The following ARHGAP35 variants were observed in gnomAD, a reference collection of about 807,000 sequenced individuals.
The protein encoded by ARHGAP35 is rho GTPase-activating protein 35.
Under a neutral mutation model 111.1 loss-of-function variants are expected in ARHGAP35, and 15 were observed. That is an observed-to-expected ratio of 0.13 (90% CI 0.09 to 0.21). The LOEUF (loss-of-function observed/expected upper bound fraction) is 0.21. Ranked by LOEUF, ARHGAP35 falls within the 10% of genes least tolerant of loss-of-function variation. The probability of loss-of-function intolerance (pLI) is 1.00; values close to 1 mark genes in which losing one functional copy is unlikely to be tolerated. For missense variants in ARHGAP35, 1,262 were observed against 1,873.0 expected (o/e 0.67, Z 6.02); for synonymous variants, 643 against 710.3 (o/e 0.91, Z 1.51).
In ARHGAP35 at chr19:46,888,292, ATATATATATATATATATATATATAT is replaced by A. The variant is rs1568461099; in HGVS notation, c.-189+27084_-189+27108del. ...TATATATATATATATATATATATATATATATATATATATATATATATATATAAAATATTGATTTTATACACACACA... is the reference window on the plus strand; with the variant it reads ...TATATATATATATATATATATATATAAAAATATTGATTTTATACACACACA... On this transcript the variant is annotated intron_variant, in intron 1 of 6. Coordinates refer to ENST00000672722, the MANE Select transcript of ARHGAP35 (RefSeq NM_004491.5). 1.7e-4 allele frequency among the ~76,000 whole-genome samples: 11 copies of A among 65,982 alleles called. 1 individual carries two copies. Among genetic ancestry groups the A allele is most frequent in the South Asian group, 8.8e-4 (2 of 2,282 alleles). The allele number at this position is 65,982 out of a possible 152,430, so 43.3% of individuals were successfully genotyped here.
intron 1 of ARHGAP35, among the ~76,000 whole-genome samples, chr19:46,889,535 G>C (rs1281036124): frequency 6.6e-6 from 1 of 152,000 alleles, no homozygotes. Context: ...AATGTGCACC[G>C]CCTTAGGTGG....
chr19:46,951,376 C>A (rs1005118770), intron 3 of ARHGAP35, among the ~76,000 whole-genome samples: 1 of 152,158 alleles, frequency 6.6e-6, no homozygotes, highest in African/African-American at 2.4e-5. Context: ...CCCAGAGAAA[C>A]CAACTGAGTA....
intron 3 of ARHGAP35, among the ~76,000 whole-genome samples, chr19:46,971,000 G>A (rs894213454): frequency 6.6e-6 from 1 of 152,142 alleles, no homozygotes; most frequent in Non-Finnish European, 1.5e-5. Context: ...TCATTGTCAC[G>A]TATACTCACA....
rs925076045 is a variant in ARHGAP35, at chr19:46,996,047, G to A, written c.4037-3257G>A. Among the ~76,000 whole-genome samples the A allele has an allele frequency of 5.3e-5, 8 of 152,226 alleles. No homozygotes were observed. The South Asian group carries it at 8.3e-4, about 16-fold the overall frequency. Reference sequence around the variant, plus strand: ...ACTGGCCACCCGCTCCTCACTAGGCGTTCGGCTGAGGTGCATATGCAGAAG... The same window carrying A: ...ACTGGCCACCCGCTCCTCACTAGGCATTCGGCTGAGGTGCATATGCAGAAG... On this transcript the variant is annotated intron_variant, in intron 5 of 6. Transcript: ENST00000672722.
chr19:46,890,153 T>A (rs779533702), intron 1 of ARHGAP35, among the ~76,000 whole-genome samples: 12 of 152,200 alleles, frequency 7.9e-5, no homozygotes, highest in Non-Finnish European at 1.5e-4. Context: ...CCGTTTTACT[T>A]TACTGTTCTA....
intron 3 of ARHGAP35, among the ~76,000 whole-genome samples, chr19:46,954,162 G>C (rs1434381353): frequency 1.3e-5 from 2 of 152,162 alleles, no homozygotes; most frequent in African/African-American, 4.8e-5. Context: ...CCTCGATCTT[G>C]GACTTCCCAG....
rs773387325 is a variant in ARHGAP35, at chr19:46,921,918, G to A, written c.3243G>A (p.Gly1081=). 6 of 1,613,888 alleles carry A rather than the reference G, an allele frequency of 3.7e-6. No individual in the cohort carries two copies. The South Asian group carries it at 6.6e-5, about 18-fold the overall frequency. The change falls in exon 2 of 7, where the codon GGG becomes GGA. Residue 1081 remains glycine, a synonymous_variant. Coordinates refer to ENST00000672722, the MANE Select transcript of ARHGAP35 (RefSeq NM_004491.5). The surrounding 1 kb of genome is among the most constrained non-coding windows in gnomAD (Gnocchi z 4.3). ...VSSSPWLPQD[G]FDPSDYAEPM... is the part of the protein sequence containing the mutation. ...CTAGCCCCTGGCTGCCTCAGGATGG[G>A]TTTGATCCTTCTGACTATGCTGAAC...
intron 3 of ARHGAP35, among the ~76,000 whole-genome samples, chr19:46,972,102 C>T (rs1418607123): frequency 2.6e-5 from 4 of 152,204 alleles, no homozygotes; most frequent in Non-Finnish European, 4.4e-5. Flanking sequence ...CTCCGCCTCC[C>T]GGGTTCAAGC....
At chr19:46,982,151 C>CA (rs1429750512) in intron 3 of ARHGAP35, among the ~76,000 whole-genome samples, 5 of 151,500 alleles carry the variant, frequency 3.3e-5, no homozygotes, top group African/African-American at 1.2e-4. Flanking sequence ...CCTGCCCTGC[C>CA]AAAGTATTTT....
At chr19:46,862,141 TC>T (rs2055832289) in intron 1 of ARHGAP35, among the ~76,000 whole-genome samples, 1 of 152,100 alleles carries the variant, frequency 6.6e-6, no homozygotes, top group Admixed American at 6.5e-5. Context: ...TTGCCCGACC[TC>T]AGATCTTGCT....
At chr19:46,998,517 G>A (rs2056728169) in intron 5 of ARHGAP35, among the ~76,000 whole-genome samples, 1 of 152,208 alleles carries the variant, frequency 6.6e-6, no homozygotes, top group South Asian at 2.1e-4. Context: ...GGGATGGCAA[G>A]CCCAGTGGCC....
At chr19:46,951,531 C>G (rs1026785221) in intron 3 of ARHGAP35, among the ~76,000 whole-genome samples, 1 of 152,102 alleles carries the variant, frequency 6.6e-6, no homozygotes, top group African/African-American at 2.4e-5. Context: ...AGCTCTGCTG[C>G]TTACAAGCAA....
intron 3 of ARHGAP35, among the ~76,000 whole-genome samples, chr19:46,978,950 TGTG>T (rs2056603284): frequency 1.8e-5 from 2 of 113,530 alleles, no homozygotes; most frequent in South Asian, 6.3e-4. Context: ...GCTGTGTGTG[TGTG>T]GTGGGGTTTG....
chr19:46,889,939 G>GCTATAGACCCTTA (rs1294567185), intron 1 of ARHGAP35, among the ~76,000 whole-genome samples: 1 of 152,146 alleles, frequency 6.6e-6, no homozygotes, highest in Non-Finnish European at 1.5e-5. Context: ...ATAGGAACTT[G>GCTATAGACCCTTA]AGGTTCTGTA....
At chr19:46,954,041 A>G (rs947971511) in intron 3 of ARHGAP35, among the ~76,000 whole-genome samples, 1 of 152,194 alleles carries the variant, frequency 6.6e-6, no homozygotes, top group Non-Finnish European at 1.5e-5. Context: ...CCTTAGAAGA[A>G]GAGACAGGAG....
Position 46,919,269 on chromosome 19 carries a change from CCTGA to C in ARHGAP35, c.597_600del (p.Thr200SerfsTer18). 1 of 1,613,866 alleles carries C rather than the reference CCTGA, an allele frequency of 6.2e-7. No individual in the cohort carries two copies. The highest frequency in any genetic ancestry group is 2.2e-5 in the East Asian group (1 of 44,886). On this transcript the variant is annotated frameshift_variant, in exon 2 of 7. Transcript: ENST00000672722. LOFTEE classifies it high-confidence loss of function. The surrounding 1 kb of genome is among the most constrained non-coding windows in gnomAD (Gnocchi z 6.2). Reference sequence around the variant, plus strand: ...AAACAAAAAAGCCCATAGTGGTGGTCCTGACTAAGTGTGACGAAGGTGTTGAGCG... The same window carrying C: ...AAACAAAAAAGCCCATAGTGGTGGTCCTAAGTGTGACGAAGGTGTTGAGCG...
intron 3 of ARHGAP35, among the ~76,000 whole-genome samples, chr19:46,955,176 G>T (rs990570145): frequency 6.6e-6 from 1 of 152,204 alleles, no homozygotes; most frequent in African/African-American, 2.4e-5. Context: ...AGAACTCAAT[G>T]TAACAGTCCT....
At position 46,960,894 on chromosome 19, in the gene ARHGAP35, T is replaced by C. The variant is rs574332268; in HGVS notation, c.3826+23486T>C. On this transcript the variant is annotated intron_variant, in intron 3 of 6. Coordinates refer to ENST00000672722, the MANE Select transcript of ARHGAP35 (RefSeq NM_004491.5). The stretch of plus-strand genomic sequence containing the variant: ...CTTGACTGGAGAGTATTTCTTTGGC[T>C]TTTTTTTTTTTTTTTCAGAGACGAA... Among the ~76,000 whole-genome samples, 61 of 137,804 alleles carry C rather than the reference T, an allele frequency of 4.4e-4. No individual in the cohort carries two copies. In the East Asian group the frequency reaches 0.01, roughly 23 times the overall value. The allele number at this position is 137,804 out of a possible 152,430, so 90.4% of individuals were successfully genotyped here.
chr19:46,870,446 G>T (rs1233672572), intron 1 of ARHGAP35, among the ~76,000 whole-genome samples: 1 of 151,844 alleles, frequency 6.6e-6, no homozygotes, highest in Non-Finnish European at 1.5e-5. Flanking sequence ...GGGTGTGGTG[G>T]CGGGCGCCTG....
Sources: allele counts gnomAD v4.1 joint callset (sites outside exome capture counted in the v4.1 genomes callset), GRCh38; gene constraint gnomAD v4.1.1; non-coding constraint Gnocchi (gnomAD v3.1); transcripts MANE v1.5; gene names NCBI Gene and HGNC (gene_info 2026-07-23, HGNC 2026-07-21).